Variants in C3orf20 observed in about 807,000 individuals in gnomAD.
C3orf20 encodes the protein family with sequence similarity 149 member C.
A neutral mutation model predicts 88.3 loss-of-function variants in C3orf20; 76 were observed. That is an observed-to-expected ratio of 0.86 (90% CI 0.72 to 1.04). The LOEUF is 1.04. Among genes scored for constraint, C3orf20 ranks in the 50% least tolerant of loss-of-function variants. The pLI, the probability that C3orf20 is intolerant of heterozygous loss-of-function variation, is 0.00. For synonymous variants in C3orf20, 436 were observed against 437.4 expected (o/e 1.00, Z 0.04); for missense variants, 1,056 against 1,123.3 (o/e 0.94, Z 0.86).
At chr3:14,713,876 G>A in intron 7 of C3orf20, 131 bp from the exon 8 acceptor site, 1 of 913,140 alleles carries the variant, frequency 1.1e-6, no homozygotes. Context: ...CAAAATGCAA[G>A]GAGGGTGTTT....
At position 14,771,365 on chromosome 3, in the gene C3orf20, G is replaced by A. The variant is rs2035854138; in HGVS notation, c.2496-702G>A. 2.0e-5 allele frequency among the ~76,000 whole-genome samples: 3 copies of A among 152,258 alleles called. No individual in the cohort carries two copies. The South Asian group carries it at 6.2e-4, about 32-fold the overall frequency. On this transcript the variant is annotated intron_variant, in intron 15 of 16. Transcript: ENST00000253697. ...AAGACACAAAGGTGACCCAAACTGA[G>A]TGGCTGAAACAACAGAAATTCATCC...
chr3:14,723,904 C>T (rs2034256983), intron 10 of C3orf20, among the ~76,000 whole-genome samples: 1 of 152,018 alleles, frequency 6.6e-6, no homozygotes, highest in Non-Finnish European at 1.5e-5. Flanking sequence ...TGGCTCACTG[C>T]AGCCTCCGCC....
chr3:14,767,778 C>A (rs1197521021), intron 15 of C3orf20, among the ~76,000 whole-genome samples: 1 of 152,284 alleles, frequency 6.6e-6, no homozygotes, highest in Non-Finnish European at 1.5e-5. Context: ...GCATCTTCTA[C>A]ACTGCTGTGC....
intron 5 of C3orf20, among the ~76,000 whole-genome samples, chr3:14,694,014 A>C (rs1434934735): frequency 6.6e-6 from 1 of 152,166 alleles, no homozygotes; most frequent in Non-Finnish European, 1.5e-5. Flanking sequence ...CATATGTTGA[A>C]CCATCCTTGC....
chr3:14,702,002 C>T (rs905992404), intron 5 of C3orf20, among the ~76,000 whole-genome samples: 6 of 152,248 alleles, frequency 3.9e-5, no homozygotes, highest in Middle Eastern at 3.4e-3. Flanking sequence ...TTCTTGGCCC[C>T]GTGTCCCCTG....
chr3:14,753,384 T>C (rs1248027909), intron 12 of C3orf20, among the ~76,000 whole-genome samples: 1 of 152,184 alleles, frequency 6.6e-6, no homozygotes, highest in African/African-American at 2.4e-5. Context: ...AAATACCTAA[T>C]GTAAATGATG....
intron 4 of C3orf20, 38 bp from the exon 5 acceptor site, chr3:14,689,959 A>T (rs373183860): frequency 3.2e-5 from 51 of 1,613,370 alleles, no homozygotes; most frequent in Non-Finnish European, 4.3e-5. Flanking sequence ...ATTAAAAGTA[A>T]ACAGTTGAAA....
In C3orf20 at chr3:14,685,479, TCTGTGC is replaced by T. The variant is rs199969268; in HGVS notation, c.625+1098_625+1103del. Among the ~76,000 whole-genome samples, 487 of 107,316 alleles carry T rather than the reference TCTGTGC, an allele frequency of 4.5e-3. 1 individual carries two copies. The highest frequency in any genetic ancestry group is 0.017 in the African/African-American group (446 of 26,296). 70.4% of individuals were successfully genotyped at this position (107,316 alleles called of 152,430 possible). ...CTCTGTTTCTCTCTCTCTCTCTCTC[TCTGTGC>T]GTGCGTGCGTGTGTGTGTGTGTGTG... On this transcript the variant is annotated intron_variant, in intron 4 of 16. Transcript: ENST00000253697.
chr3:14,746,495 C>T (rs1170927019), intron 12 of C3orf20, among the ~76,000 whole-genome samples: 54 of 152,268 alleles, frequency 3.5e-4, no homozygotes, highest in Admixed American at 2.6e-3. Flanking sequence ...TTGGTTATGA[C>T]GAGATAACTG....
chr3:14,701,125 G>C lies in C3orf20; in HGVS notation c.746-2005G>C, dbSNP rs1235261959. Among the ~76,000 whole-genome samples, 2 of 152,232 alleles carry C rather than the reference G, an allele frequency of 1.3e-5. No homozygotes were observed. The highest frequency in any genetic ancestry group is 4.1e-4 in the South Asian group (2 of 4,830). ...AGATGCTCCAGGTGGCCTGCTAGCA[G>C]GTCGCTGGACCTCAGGCCCTAGGCT... On this transcript the variant is annotated intron_variant, in intron 5 of 16. Transcript: ENST00000253697. The surrounding 1 kb of genome is among the most constrained non-coding windows in gnomAD (Gnocchi z 4.6).
rs1302848426 is a variant in C3orf20, at chr3:14,772,144, G to A, written c.2573G>A (p.Ser858Asn). ...GAGTCAGAAGATATCCAAGGAAGCA[G>A]CTCCTCATTGGCCCTGGAAGACTAT... ...KAESEDIQGS[S>N]SSLALEDYVE... The change falls in exon 16 of 17, where the codon AGC becomes AAC. Residue 858 changes from serine to asparagine, a missense_variant. Transcript: ENST00000253697. This position sits in a 1 kb window ranked among gnomAD's most constrained non-coding sequence, Gnocchi z 4.2. The A allele has an allele frequency of 1.9e-6, 3 of 1,614,242 alleles. No individual in the cohort carries two copies. The highest frequency in any genetic ancestry group is 3.3e-5 in the Admixed American group (2 of 60,030).
At chr3:14,756,330 A>G (rs1464077724) in intron 12 of C3orf20, among the ~76,000 whole-genome samples, 1 of 151,938 alleles carries the variant, frequency 6.6e-6, no homozygotes, top group Non-Finnish European at 1.5e-5. Flanking sequence ...GTAGGGGCCC[A>G]ACAAATATTG....
chr3:14,689,903 C>G (rs554984644), intron 4 of C3orf20, 94 bp from the exon 5 acceptor site: 2 of 1,543,620 alleles, frequency 1.3e-6, no homozygotes, highest in East Asian at 4.5e-5. Flanking sequence ...TGTGACCCAC[C>G]GTACTACTAG....
chr3:14,679,647 C>CA lies in C3orf20; in HGVS notation c.-298-2511dup, dbSNP rs1181027642. Among the ~76,000 whole-genome samples, 1,200 of 142,436 alleles carry CA rather than the reference C, an allele frequency of 8.4e-3. 15 individuals are homozygous for CA. Among genetic ancestry groups the CA allele is most frequent in the African/African-American group, 0.024 (951 of 39,036 alleles). 93.4% of individuals were successfully genotyped at this position (142,436 alleles called of 152,430 possible). A position where few individuals can be genotyped will look rare whatever the true frequency, so the allele number is the denominator to read the frequency against. ...GAAGGACTAGAGAGGTCAGCTGGTA[C>CA]AAAAAAAAAAAATTATGTTCATTCC... On this transcript the variant is annotated intron_variant, in intron 1 of 16. Coordinates refer to ENST00000253697, the MANE Select transcript of C3orf20 (RefSeq NM_032137.5).
intron 12 of C3orf20, among the ~76,000 whole-genome samples, chr3:14,741,074 G>T (rs2034884996): frequency 6.6e-6 from 1 of 152,154 alleles, no homozygotes; most frequent in African/African-American, 2.4e-5. Flanking sequence ...TAAGACTCTG[G>T]ATGATATCAT....
At chr3:14,721,264 G>T (rs913619575) in intron 9 of C3orf20, among the ~76,000 whole-genome samples, 1 of 152,198 alleles carries the variant, frequency 6.6e-6, no homozygotes, top group African/African-American at 2.4e-5. Context: ...GTCATAGTCA[G>T]ACCTTGTGCC....
intron 15 of C3orf20, among the ~76,000 whole-genome samples, chr3:14,766,092 G>A (rs531526398): frequency 3.5e-4 from 53 of 152,296 alleles, no homozygotes; most frequent in African/African-American, 1.3e-3. Flanking sequence ...CTCCAAGCTT[G>A]GGAAACAGCA....
At chr3:14,706,665 A>G (rs886939152) in intron 7 of C3orf20, among the ~76,000 whole-genome samples, 2 of 151,342 alleles carry the variant, frequency 1.3e-5, no homozygotes, top group African/African-American at 4.9e-5. Flanking sequence ...TGGGAGTCCT[A>G]AAAGACCAGG....
At chr3:14,677,922 G>A (rs981964841) in intron 1 of C3orf20, among the ~76,000 whole-genome samples, 2 of 152,028 alleles carry the variant, frequency 1.3e-5, no homozygotes, top group Non-Finnish European at 2.9e-5. Flanking sequence ...CCTCCACGCT[G>A]CCAGCAGCAG....
Sources: gnomAD v4.1 joint callset for allele counts (sites outside exome capture counted in the v4.1 genomes callset) on GRCh38, gnomAD v4.1.1 for gene constraint, Gnocchi (gnomAD v3.1) non-coding constraint, MANE v1.5 for transcripts, NCBI Gene and HGNC (gene_info 2026-07-23, HGNC 2026-07-21) for gene names.